MIA3: variants seen among roughly 807,000 people sequenced by gnomAD.
MIA3 encodes the protein MIA SH3 domain ER export factor 3, also known as transport and Golgi organization protein 1 homolog.
Under a neutral mutation model 192.4 loss-of-function variants are expected in MIA3, and 90 were observed. That is an observed-to-expected ratio of 0.47 (90% CI 0.39 to 0.56). The LOEUF is 0.56. Ranked by LOEUF, MIA3 falls within the 20% of genes least tolerant of loss-of-function variation. MIA3 has a pLI of 0.00. For missense variants in MIA3, 2,123 were observed against 2,269.4 expected (o/e 0.94, Z 1.31); for synonymous variants, 740 against 792.8 (o/e 0.93, Z 1.12).
intron 1 of MIA3, among the ~76,000 whole-genome samples, chr1:222,620,420 G>GA (rs1661803548): frequency 6.6e-6 from 1 of 152,162 alleles, no homozygotes; most frequent in Admixed American, 6.5e-5. Flanking sequence ...TTTGTTTATA[G>GA]AAAAATATAC....
intron 18 of MIA3, 41 bp from the exon 19 acceptor site, chr1:222,658,681 G>A (rs781623453): frequency 1.4e-6 from 2 of 1,441,492 alleles, no homozygotes; most frequent in Non-Finnish European, 9.6e-7. Context: ...ATGCCAGGAG[G>A]AAAAGAGAAA....
chr1:222,619,709 G>A (rs1018629412), intron 1 of MIA3, among the ~76,000 whole-genome samples: 10 of 152,212 alleles, frequency 6.6e-5, no homozygotes, highest in African/African-American at 2.2e-4. Flanking sequence ...TCACATCACT[G>A]ATGCTTCTTC....
chr1:222,654,626 A>G (rs748476383), intron 17 of MIA3, 29 bp from the exon 18 acceptor site: 36 of 1,610,638 alleles, frequency 2.2e-5, no homozygotes, highest in Non-Finnish European at 2.8e-5. Flanking sequence ...GTGCACACAT[A>G]TGGAACTCAA....
Position 222,667,517 on chromosome 1 carries a change from T to C in MIA3, c.*1898T>C, listed in dbSNP as rs1664343096. On this transcript the variant is annotated 3_prime_UTR_variant, in exon 28 of 28. Coordinates refer to ENST00000344922, the MANE Select transcript of MIA3 (RefSeq NM_198551.4). ...AAAATTCAAAATATTAGAGTATTTTTCCCCTCTAAAGCCTTTTTTGGTGAT... is the reference window on the plus strand; with the variant it reads ...AAAATTCAAAATATTAGAGTATTTTCCCCCTCTAAAGCCTTTTTTGGTGAT... 1 of 152,204 alleles carries C rather than the reference T, an allele frequency of 6.6e-6. No individual in the cohort carries two copies. Among genetic ancestry groups the C allele is most frequent in the Non-Finnish European group, 1.5e-5 (1 of 68,032 alleles). The allele number at this position is 152,204 out of a possible 1,614,324, so 9.4% of individuals were successfully genotyped here.
intron 1 of MIA3, among the ~76,000 whole-genome samples, chr1:222,619,414 G>T (rs1661759959): frequency 6.6e-6 from 1 of 152,156 alleles, no homozygotes; most frequent in South Asian, 2.1e-4. Flanking sequence ...TCAAATTGAT[G>T]TTATCAAAAC....
rs1379090138 is a variant in MIA3 at position 222,621,860 on chromosome 1, G to A, written c.267+568G>A. 2.6e-5 allele frequency among the ~76,000 whole-genome samples: 4 copies of A among 151,136 alleles called. No homozygotes were observed. In the East Asian group the frequency reaches 7.8e-4, roughly 29 times the overall value. ...GTCTTGCTCTGTCGCCCAGGCTGGAGTGCCGTGGCGCGATCTCGGCTCACT... is the reference window on the plus strand; with the variant it reads ...GTCTTGCTCTGTCGCCCAGGCTGGAATGCCGTGGCGCGATCTCGGCTCACT... On this transcript the variant is annotated intron_variant, in intron 2 of 27. Coordinates refer to ENST00000344922, the MANE Select transcript of MIA3 (RefSeq NM_198551.4).
intron 4 of MIA3, 143 bp downstream of exon 4, chr1:222,630,532 C>A: frequency 1.3e-6 from 1 of 749,228 alleles, no homozygotes; most frequent in Non-Finnish European, 2.0e-6. Flanking sequence ...CATGTTCCTT[C>A]CTGCCATCTT....
At chr1:222,652,485 T>A (rs1219971247) in intron 13 of MIA3, among the ~76,000 whole-genome samples, 153 bp downstream of exon 13, 3 of 152,244 alleles carry the variant, frequency 2.0e-5, no homozygotes, top group Non-Finnish European at 4.4e-5. Context: ...CAAAATTGAG[T>A]GTAGGTATAC....
chr1:222,660,004 G>C lies in MIA3; in HGVS notation c.4973G>C (p.Arg1658Thr), dbSNP rs1207202636. 10 of 1,610,246 alleles carry C rather than the reference G, an allele frequency of 6.2e-6. No homozygotes were observed. Among genetic ancestry groups the C allele is most frequent in the African/African-American group, 1.3e-5 (1 of 74,844 alleles). ...CCAAATACACAAAACCCTCCACGGA[G>C]AGGTAAGGGAGCTACCTTGTAAAGG... ...GKPNTQNPPRRGPLSQNGSFG... is the reference protein window; with the variant it reads ...GKPNTQNPPRTGPLSQNGSFG... Residue 1658 changes from arginine (R) to threonine (T), a missense_variant and splice_region_variant, in exon 23 of 28, where the codon AGA becomes ACA. This residue lies in a region of MIA3 where 762 missense variants were observed against 856.4 expected (regional missense o/e 0.89). Transcript: ENST00000344922.
intron 2 of MIA3, among the ~76,000 whole-genome samples, chr1:222,622,026 G>A (rs1022503998): frequency 5.9e-5 from 9 of 151,960 alleles, no homozygotes; most frequent in South Asian, 2.1e-4. Flanking sequence ...GCTAGGTCTC[G>A]ATCTCCTGAC....
chr1:222,653,313 A>T lies in MIA3; in HGVS notation c.4295A>T (p.Asp1432Val). The T allele has an allele frequency of 6.2e-7, 1 of 1,613,726 alleles. No homozygotes were observed. The highest frequency in any genetic ancestry group is 2.2e-5 in the East Asian group (1 of 44,886). The change falls in exon 15 of 28, where the codon GAT becomes GTT. Residue 1432 changes from aspartate (D) to valine (V), a missense_variant. Asp to Val is a radical substitution (Grantham distance 152, BLOSUM62 -3). Coordinates refer to ENST00000344922, the MANE Select transcript of MIA3 (RefSeq NM_198551.4). ...CAAAATAAAGGTGGAAATGATTCAG[A>T]TGAATTAGCAAATGGAGAAGTGGGA... ...EGQNKGGNDS[D>V]ELANGEVGGD...
rs747008812 is a variant in MIA3 at position 222,629,179 on chromosome 1, A to G, written c.1959A>G (p.Arg653=). 8.1e-6 allele frequency: 13 copies of G among 1,614,050 alleles called. No homozygotes were observed. The highest frequency in any genetic ancestry group is 1.7e-6 in the Non-Finnish European group (2 of 1,180,020). ...ELEDEVPILG[R]NLPWQQERDV... ...AAGACGAGGTTCCCATTCTGGGAAG[A>G]AATCTTCCCTGGCAACAAGAAAGAG... Residue 653 remains arginine, a synonymous_variant, in exon 4 of 28, where the codon AGA becomes AGG. Transcript: ENST00000344922.
rs1662236268 is a variant in MIA3, at chr1:222,628,628, G to A, written c.1408G>A (p.Gly470Arg). 2.5e-6 allele frequency: 4 copies of A among 1,613,782 alleles called. No individual in the cohort carries two copies. The African/African-American group carries it at 4.0e-5, about 16-fold the overall frequency. The change falls in exon 4 of 28, where the codon GGA becomes AGA. Residue 470 changes from glycine to arginine, a missense_variant. This residue lies in a region of MIA3 where 1,357 missense variants were observed against 1,396.1 expected (regional missense o/e 0.97). Transcript: ENST00000344922. Reference protein sequence around the residue: ...AEHHIKGKGRGVQESKRGLVQ... With the variant: ...AEHHIKGKGRRVQESKRGLVQ... ...ACATCACATTAAAGGAAAAGGGAGG[G>A]GAGTTCAGGAATCCAAGAGGGGCCT... is the stretch of plus-strand genomic sequence containing the variant.
Position 222,660,001 on chromosome 1 carries a change from G to A in MIA3, c.4970G>A (p.Arg1657Gln), listed in dbSNP as rs754576217. The change falls in exon 23 of 28, where the codon CGG becomes CAG. Residue 1657 changes from arginine (R) to glutamine (Q), a missense_variant. By Grantham distance (43) the Arg-to-Gln change is conservative. Around this residue, in one of 3 missense-constraint regions of MIA3, gnomAD observed 762 missense variants for 856.4 expected, o/e 0.89. Transcript: ENST00000344922. The stretch of plus-strand genomic sequence containing the variant: ...AAACCAAATACACAAAACCCTCCAC[G>A]GAGAGGTAAGGGAGCTACCTTGTAA... Reference protein sequence around the residue: ...PGKPNTQNPPRRGPLSQNGSF... With the variant: ...PGKPNTQNPPQRGPLSQNGSF... 3.4e-5 allele frequency: 55 copies of A among 1,611,520 alleles called. No homozygotes were observed. The highest frequency in any genetic ancestry group is 3.3e-4 in the Middle Eastern group (2 of 6,080).
chr1:222,621,882 C>T (rs374932709), intron 2 of MIA3, among the ~76,000 whole-genome samples: 1 of 151,044 alleles, frequency 6.6e-6, no homozygotes, highest in Non-Finnish European at 1.5e-5. Flanking sequence ...GATCTCGGCT[C>T]ACTGCAAGCT....
chr1:222,633,127 C>A lies in MIA3; in HGVS notation c.3355C>A (p.Pro1119Thr). Reference protein sequence around the residue: ...DPGPVTTEDTPMDAIDANKQP... With the variant: ...DPGPVTTEDTTMDAIDANKQP... ...AGGGCCAGTTACAACAGAAGACACT[C>A]CTATGGATGCTATTGATGCAAACAA... is the stretch of plus-strand genomic sequence containing the variant. The change falls in exon 6 of 28, where the codon CCT becomes ACT. Residue 1119 changes from proline (P) to threonine (T), a missense_variant. Pro to Thr is a conservative substitution (Grantham distance 38). This residue lies in a region of MIA3 where 1,357 missense variants were observed against 1,396.1 expected (regional missense o/e 0.97). Coordinates refer to ENST00000344922, the MANE Select transcript of MIA3 (RefSeq NM_198551.4). 1 of 1,612,588 alleles carries A rather than the reference C, an allele frequency of 6.2e-7. No homozygotes were observed. The highest frequency in any genetic ancestry group is 8.5e-7 in the Non-Finnish European group (1 of 1,179,624).
intron 2 of MIA3, among the ~76,000 whole-genome samples, chr1:222,622,070 C>T (rs147358372): frequency 0.031 from 4,777 of 152,220 alleles, 247 homozygotes; most frequent in African/African-American, 0.11. Context: ...TCCCAAAGTG[C>T]TGGGATTACA....
chr1:222,658,609 A>C (rs761232997), intron 18 of MIA3, 113 bp from the exon 19 acceptor site: 5 of 723,758 alleles, frequency 6.9e-6, no homozygotes, highest in Non-Finnish European at 1.1e-5. Context: ...GTGACTTTGT[A>C]TAATCTATGC....
chr1:222,652,708 T>C (rs140268207), intron 13 of MIA3, among the ~76,000 whole-genome samples: 194 of 152,252 alleles, frequency 1.3e-3, no homozygotes, highest in African/African-American at 4.5e-3. Context: ...TGATCAGGAG[T>C]GTGGACTTGG....
Sources: gnomAD v4.1 joint callset for allele counts (sites outside exome capture counted in the v4.1 genomes callset) on GRCh38, gnomAD v4.1.1 for gene constraint, gnomAD v4.1.1 regional missense constraint, MANE v1.5 for transcripts, NCBI Gene and HGNC (gene_info 2026-07-23, HGNC 2026-07-21) for gene names.